The following SLC15A1 variants were observed in gnomAD, a reference collection of about 807,000 sequenced individuals.
SLC15A1 encodes the protein Caco-2 oligopeptide transporter.
SLC15A1 carries 83 observed loss-of-function variants against 92.9 expected under a neutral mutation model. The observed-to-expected ratio is 0.89, with a 90% confidence interval of 0.75 to 1.07. The LOEUF (loss-of-function observed/expected upper bound fraction) is 1.07, where lower values mean the gene tolerates loss of function less well. SLC15A1 is among the 50% of genes least tolerant of loss of function. SLC15A1 has a pLI of 0.00. For synonymous variants in SLC15A1, 322 were observed against 318.2 expected, an observed-to-expected ratio of 1.01 and a Z score of -0.13; for missense variants, 857 against 880.1, an observed-to-expected ratio of 0.97 and a Z score of 0.33.
chr13:98,723,926 G>T lies in SLC15A1; in HGVS notation c.351C>A (p.Ser117Arg), dbSNP rs8187821. 243 of 1,614,178 alleles carry T rather than the reference G, an allele frequency of 1.5e-4. 1 individual carries two copies. The African/African-American group carries it at 2.7e-3, about 18-fold the overall frequency. Residue 117 changes from serine (S) to arginine (R), a missense_variant, in exon 5 of 23, where the codon AGC becomes AGA. Transcript: ENST00000376503. ...CACCAACTCACACGTGCACAGGAAG[G>T]CTGTCGGGGGTGCCATCATGGTTGT... is the stretch of plus-strand genomic sequence containing the variant. ...TDHNHDGTPD[S>R]LPVHVVLSLI...
At chr13:98,737,524 G>C (rs1218020339) in intron 1 of SLC15A1, among the ~76,000 whole-genome samples, 2 of 152,040 alleles carry the variant, frequency 1.3e-5, no homozygotes, top group East Asian at 3.8e-4. Context: ...ATATGTAGCA[G>C]CCTCCCCCTC....
At chr13:98,710,483 G>A (rs1441231869) in intron 11 of SLC15A1, among the ~76,000 whole-genome samples, 4 of 152,110 alleles carry the variant, frequency 2.6e-5, no homozygotes, top group Admixed American at 6.6e-5. Context: ...AAATGCTTCC[G>A]TATGAATCCA....
intron 1 of SLC15A1, among the ~76,000 whole-genome samples, chr13:98,741,077 A>T (rs2088439924): frequency 6.6e-6 from 1 of 152,000 alleles, no homozygotes; most frequent in African/African-American, 2.4e-5. Context: ...TTGTCCACCC[A>T]GCATTCTGGT....
At chr13:98,740,195 A>C (rs2088432455) in intron 1 of SLC15A1, among the ~76,000 whole-genome samples, 1 of 152,172 alleles carries the variant, frequency 6.6e-6, no homozygotes, top group Non-Finnish European at 1.5e-5. Flanking sequence ...AGGGAGAGTG[A>C]AGGTCCTGTC....
intron 21 of SLC15A1, among the ~76,000 whole-genome samples, chr13:98,686,645 G>A (rs1333100416): frequency 6.6e-6 from 1 of 152,172 alleles, no homozygotes; most frequent in African/African-American, 2.4e-5. Flanking sequence ...GCCCTGGGCT[G>A]CAAGCTTGCC....
intron 18 of SLC15A1, among the ~76,000 whole-genome samples, chr13:98,690,599 G>A (rs994408273): frequency 2.0e-5 from 3 of 152,140 alleles, no homozygotes; most frequent in African/African-American, 7.2e-5. Context: ...TAGGGCTGGT[G>A]CGACAAGAAA....
chr13:98,713,223 A>T (rs1199371941), intron 9 of SLC15A1, among the ~76,000 whole-genome samples: 1 of 151,586 alleles, frequency 6.6e-6, no homozygotes, highest in East Asian at 1.9e-4. Flanking sequence ...TGCCTGGCTA[A>T]TGTTTTAATT....
intron 15 of SLC15A1, among the ~76,000 whole-genome samples, chr13:98,708,287 C>A (rs1460110871): frequency 6.6e-6 from 1 of 152,094 alleles, no homozygotes; most frequent in African/African-American, 2.4e-5. Context: ...AACTGAGAAA[C>A]CAATCCTTTT....
At chr13:98,748,774 A>G (rs2088517068) in intron 1 of SLC15A1, among the ~76,000 whole-genome samples, 1 of 152,122 alleles carries the variant, frequency 6.6e-6, no homozygotes, top group Non-Finnish European at 1.5e-5. Context: ...GCAGGGGTCA[A>G]AAAAAAGAAC....
At chr13:98,712,614 A>G in intron 9 of SLC15A1, 30 bp from the exon 10 acceptor site, 1 of 1,491,964 alleles carries the variant, frequency 6.7e-7, no homozygotes, top group Non-Finnish European at 9.3e-7. Flanking sequence ...TCGAATTTCA[A>G]AACAGGACCA....
intron 18 of SLC15A1, among the ~76,000 whole-genome samples, chr13:98,696,977 G>T (rs77543361): frequency 3.3e-5 from 5 of 152,152 alleles, no homozygotes; most frequent in Non-Finnish European, 7.4e-5. Flanking sequence ...CGAGGAGACA[G>T]GCCTCAGGAG....
intron 11 of SLC15A1, among the ~76,000 whole-genome samples, chr13:98,710,150 C>G (rs567433598): frequency 1.3e-5 from 2 of 152,316 alleles, no homozygotes; most frequent in African/African-American, 4.8e-5. Context: ...CCTGAAGCTG[C>G]ACAAAGCAGT....
chr13:98,719,906 G>A (rs1437547355), intron 7 of SLC15A1, among the ~76,000 whole-genome samples: 1 of 152,022 alleles, frequency 6.6e-6, no homozygotes, highest in African/African-American at 2.4e-5. Context: ...CCACTGTTTG[G>A]CAACCTCTGA....
chr13:98,750,676 C>T (rs2088537722), intron 1 of SLC15A1, among the ~76,000 whole-genome samples: 1 of 152,102 alleles, frequency 6.6e-6, no homozygotes, highest in Non-Finnish European at 1.5e-5. Flanking sequence ...GCCTCGTTCG[C>T]CAACTGCTTC....
Position 98,712,348 on chromosome 13 carries a change from T to C in SLC15A1, c.810+150A>G, listed in dbSNP as rs115331069. The C allele has an allele frequency of 3.3e-3, 2,048 of 611,630 alleles. 32 individuals are homozygous for C. In the African/African-American group the frequency reaches 0.035, roughly 10 times the overall value. 37.9% of individuals were successfully genotyped at this position (611,630 alleles called of 1,614,324 possible). On this transcript the variant is annotated intron_variant, in intron 10 of 22. Coordinates refer to ENST00000376503, the MANE Select transcript of SLC15A1 (RefSeq NM_005073.4). Reference sequence around the variant, plus strand: ...TATCAAGTTCTTTCAATTAAAAAAATGCACTCATGCATAGTTTTATTTAAT... The same window carrying C: ...TATCAAGTTCTTTCAATTAAAAAAACGCACTCATGCATAGTTTTATTTAAT...
intron 1 of SLC15A1, among the ~76,000 whole-genome samples, chr13:98,732,375 G>T (rs2088358053): frequency 6.6e-6 from 1 of 152,020 alleles, no homozygotes; most frequent in African/African-American, 2.4e-5. Flanking sequence ...GCTATTCTAG[G>T]CCCAGAAGTG....
chr13:98,692,984 C>A (rs1474976631), intron 18 of SLC15A1, among the ~76,000 whole-genome samples: 1 of 152,004 alleles, frequency 6.6e-6, no homozygotes, highest in Non-Finnish European at 1.5e-5. Flanking sequence ...AGCACTCAGC[C>A]CACCTTGACC....
At chr13:98,741,979 G>C (rs943198361) in intron 1 of SLC15A1, among the ~76,000 whole-genome samples, 1 of 152,206 alleles carries the variant, frequency 6.6e-6, no homozygotes, top group African/African-American at 2.4e-5. Context: ...GGAGACTGTG[G>C]GTTTATCAAG....
At position 98,752,660 on chromosome 13, in the gene SLC15A1, C is replaced by T; in HGVS notation, c.-62G>A. ...GGACGTGCTCCTGGCAGGTGCTACT[C>T]CTCCGACCTGACGTCCAGGCCCGGC... is the stretch of plus-strand genomic sequence containing the variant. On this transcript the variant is annotated 5_prime_UTR_variant, in exon 1 of 23. Coordinates refer to ENST00000376503, the MANE Select transcript of SLC15A1 (RefSeq NM_005073.4). 1.6e-6 allele frequency: 2 copies of T among 1,237,604 alleles called. No individual in the cohort carries two copies. Among genetic ancestry groups the T allele is most frequent in the East Asian group, 6.3e-5 (2 of 31,520 alleles). The allele number at this position is 1,237,604 out of a possible 1,614,324, so 76.7% of individuals were successfully genotyped here. A position where few individuals can be genotyped will look rare whatever the true frequency, so the allele number is the denominator to read the frequency against.
Sources: gnomAD v4.1 joint callset for allele counts (sites outside exome capture counted in the v4.1 genomes callset) on GRCh38, gnomAD v4.1.1 for gene constraint, MANE v1.5 for transcripts, NCBI Gene and HGNC (gene_info 2026-07-23, HGNC 2026-07-21) for gene names.